Variants in GLCE observed in about 807,000 individuals in gnomAD.
GLCE encodes glucuronic acid epimerase, also known as D-glucuronyl C5-epimerase.
A neutral mutation model predicts 47.9 loss-of-function variants in GLCE; 19 were observed. That is an observed-to-expected ratio of 0.40 (90% CI 0.28 to 0.58). GLCE has a LOEUF of 0.58. GLCE is among the 20% of genes least tolerant of loss of function. The pLI is 0.48. For synonymous variants in GLCE, 245 were observed against 263.4 expected, an observed-to-expected ratio of 0.93 and a Z score of 0.68; for missense variants, 556 against 743.3, an observed-to-expected ratio of 0.75 and a Z score of 2.93.
rs145635085 is a variant in GLCE, at chr15:69,237,651, T to C, written c.-13-18143T>C. Among the ~76,000 whole-genome samples, 156 of 152,254 alleles carry C rather than the reference T, an allele frequency of 1.0e-3. 2 individuals carry two copies. The East Asian group carries it at 0.025, about 25-fold the overall frequency. On this transcript the variant is annotated intron_variant, in intron 2 of 4. Coordinates refer to ENST00000261858, the MANE Select transcript of GLCE (RefSeq NM_015554.3). ...CTGATTTCTTCCACATATAATTTCT[T>C]CTGCATAGCTAATACTCTGTATCTT...
rs1383982621 is a variant in GLCE at position 69,271,178 on chromosome 15, G to A, written c.*1934G>A. On this transcript the variant is annotated 3_prime_UTR_variant, in exon 5 of 5. Coordinates refer to ENST00000261858, the MANE Select transcript of GLCE (RefSeq NM_015554.3). ...CCTTTTCCACTGAAGAAGGAAAGAC[G>A]TTTTGATCTAGAAATAGCGTTGTGA... 1 of 152,670 alleles carries A rather than the reference G, an allele frequency of 6.6e-6. No individual in the cohort carries two copies. The highest frequency in any genetic ancestry group is 2.4e-5 in the African/African-American group (1 of 41,460). 9.5% of individuals were successfully genotyped at this position (152,670 alleles called of 1,614,324 possible).
intron 4 of GLCE, among the ~76,000 whole-genome samples, chr15:69,265,058 G>C (rs2053066372): frequency 6.6e-6 from 1 of 151,836 alleles, no homozygotes; most frequent in African/African-American, 2.4e-5. Flanking sequence ...TTGTTTTTCT[G>C]TGCCCCTTTT....
chr15:69,249,074 T>C (rs1179743642), intron 2 of GLCE, among the ~76,000 whole-genome samples: 1 of 152,078 alleles, frequency 6.6e-6, no homozygotes, highest in Non-Finnish European at 1.5e-5. Context: ...AATGATGGGG[T>C]GAGAACTGGT....
chr15:69,268,793 AT>A lies in GLCE; in HGVS notation c.1405del (p.Ser469GlnfsTer3), dbSNP rs746164647. ...TTAACAAAAGACCATATATTCCTCA[AT>A]TCAGCTTTAAGGGCAACAGCCCCTT... ...YLLTKDHIFL[N>X]SALRATAPYK... On this transcript the variant is annotated frameshift_variant, in exon 5 of 5. Transcript: ENST00000261858. LOFTEE classifies it high-confidence loss of function. 1 of 1,614,154 alleles carries A rather than the reference AT, an allele frequency of 6.2e-7. No homozygotes were observed. Among genetic ancestry groups the A allele is most frequent in the Non-Finnish European group, 8.5e-7 (1 of 1,179,974 alleles).
At chr15:69,169,648 G>GT (rs1352216105) in intron 1 of GLCE, among the ~76,000 whole-genome samples, 3 of 149,956 alleles carry the variant, frequency 2.0e-5, no homozygotes, top group Non-Finnish European at 3.0e-5. Context: ...GTGGTGTTTG[G>GT]TTTTTTGTCC....
chr15:69,246,447 G>A (rs1328156294), intron 2 of GLCE, among the ~76,000 whole-genome samples: 1 of 152,142 alleles, frequency 6.6e-6, no homozygotes, highest in Non-Finnish European at 1.5e-5. Context: ...GCTGGGTGTG[G>A]TGGCTCACAC....
At chr15:69,211,360 TGA>T (rs1236705299) in intron 2 of GLCE, among the ~76,000 whole-genome samples, 2 of 152,036 alleles carry the variant, frequency 1.3e-5, no homozygotes, top group African/African-American at 4.8e-5. Context: ...AATAATATTT[TGA>T]GAGTGATGAT....
chr15:69,211,189 T>C (rs931426480), intron 2 of GLCE, among the ~76,000 whole-genome samples: 1 of 152,082 alleles, frequency 6.6e-6, no homozygotes, highest in African/African-American at 2.4e-5. Flanking sequence ...ATGTTAGCAG[T>C]TAAATACTAT....
intron 2 of GLCE, among the ~76,000 whole-genome samples, chr15:69,233,747 A>G (rs2140408135): frequency 6.6e-6 from 1 of 152,294 alleles, no homozygotes; most frequent in Middle Eastern, 3.4e-3. Flanking sequence ...ATAGAGAAGG[A>G]AAGATTTGTA....
At chr15:69,233,666 A>T (rs1329924984) in intron 2 of GLCE, among the ~76,000 whole-genome samples, 4 of 150,946 alleles carry the variant, frequency 2.6e-5, no homozygotes, top group Non-Finnish European at 5.9e-5. Context: ...GGGTATGATA[A>T]GAAGCTCAGT....
intron 3 of GLCE, among the ~76,000 whole-genome samples, chr15:69,260,253 T>C (rs36014533): frequency 0.011 from 483 of 45,594 alleles, 12 homozygotes; most frequent in African/African-American, 0.028. Context: ...TCACAACTGG[T>C]TTTTTTTTTT....
chr15:69,258,285 A>G (rs2052959806), intron 3 of GLCE, among the ~76,000 whole-genome samples: 1 of 151,480 alleles, frequency 6.6e-6, no homozygotes, highest in Non-Finnish European at 1.5e-5. Flanking sequence ...GCTAAGGATA[A>G]TGGCCCCTCG....
At chr15:69,182,693 G>A (rs1312893622) in intron 1 of GLCE, among the ~76,000 whole-genome samples, 3 of 152,076 alleles carry the variant, frequency 2.0e-5, no homozygotes, top group African/African-American at 7.2e-5. Flanking sequence ...GAGGTAGTGA[G>A]CTGGTATCAG....
chr15:69,231,176 G>A (rs1481936177), intron 2 of GLCE, among the ~76,000 whole-genome samples: 1 of 152,080 alleles, frequency 6.6e-6, no homozygotes, highest in Non-Finnish European at 1.5e-5. Flanking sequence ...GCAGGGGTGA[G>A]ACAGATTTTA....
intron 2 of GLCE, among the ~76,000 whole-genome samples, chr15:69,241,573 A>T (rs1429869597): frequency 6.6e-6 from 1 of 152,206 alleles, no homozygotes; most frequent in Non-Finnish European, 1.5e-5. Flanking sequence ...TAATTTTCAG[A>T]ATTGCCTAAG....
chr15:69,223,037 T>G (rs528537382), intron 2 of GLCE, among the ~76,000 whole-genome samples: 15 of 152,338 alleles, frequency 9.8e-5, no homozygotes, highest in Admixed American at 7.8e-4. Flanking sequence ...TACATCCTTA[T>G]ACATTATGTA....
chr15:69,260,090 C>T (rs936264804), intron 3 of GLCE, among the ~76,000 whole-genome samples: 2 of 151,980 alleles, frequency 1.3e-5, no homozygotes, highest in African/African-American at 4.8e-5. Context: ...TAGAACTTTA[C>T]ATAAGGTAAT....
chr15:69,253,909 A>G (rs2052884487), intron 2 of GLCE, among the ~76,000 whole-genome samples: 1 of 152,240 alleles, frequency 6.6e-6, no homozygotes, highest in Non-Finnish European at 1.5e-5. Context: ...ATATGCAACC[A>G]TGGATTCTAC....
At chr15:69,251,808 G>C (rs2052848527) in intron 2 of GLCE, among the ~76,000 whole-genome samples, 1 of 152,130 alleles carries the variant, frequency 6.6e-6, no homozygotes, top group African/African-American at 2.4e-5. Context: ...TAGGAAAGAG[G>C]ACCTTTTAGA....
Sources: allele counts gnomAD v4.1 joint callset (sites outside exome capture counted in the v4.1 genomes callset), GRCh38; gene constraint gnomAD v4.1.1; transcripts MANE v1.5; gene names NCBI Gene and HGNC (gene_info 2026-07-23, HGNC 2026-07-21).